Variants in MACROD2 observed in about 807,000 individuals in gnomAD.
MACROD2 encodes the protein ADP-ribose glycohydrolase MACROD2.
In MACROD2, 36 loss-of-function variants were observed where a neutral mutation model predicts 70.4. That is an observed-to-expected ratio of 0.51 (90% CI 0.39 to 0.68). MACROD2 has a LOEUF of 0.68. Among genes scored for constraint, MACROD2 ranks in the 30% least tolerant of loss-of-function variants. The pLI is 0.00. For synonymous variants in MACROD2, 172 were observed against 178.8 expected (o/e 0.96, Z 0.30); for missense variants, 496 against 538.4 (o/e 0.92, Z 0.78).
At position 14,658,096 on chromosome 20, in the gene MACROD2, T is replaced by C. The variant is rs115477050; in HGVS notation, c.302-26747T>C. On this transcript the variant is annotated intron_variant, in intron 4 of 17. Coordinates refer to ENST00000684519, the MANE Select transcript of MACROD2 (RefSeq NM_001351661.2). ...ATTATCTATTTTGCATCCTTTTTTT[T>C]CAATAAACAGTTTCACTTCTAAGAT... is the stretch of plus-strand genomic sequence containing the variant. 6.3e-3 allele frequency among the ~76,000 whole-genome samples: 965 copies of C among 152,322 alleles called. 11 individuals carry two copies. Among genetic ancestry groups the C allele is most frequent in the African/African-American group, 0.022 (926 of 41,576 alleles).
chr20:14,686,582 T>C (rs567526919), intron 5 of MACROD2, among the ~76,000 whole-genome samples: 1 of 152,350 alleles, frequency 6.6e-6, no homozygotes, highest in East Asian at 1.9e-4. Context: ...TACTTACCAT[T>C]GTGTTACAAT....
At chr20:15,419,910 A>G (rs1402535055) in intron 6 of MACROD2, among the ~76,000 whole-genome samples, 2 of 152,226 alleles carry the variant, frequency 1.3e-5, no homozygotes, top group Non-Finnish European at 2.9e-5. Flanking sequence ...CATATTGCCC[A>G]ACTGATTTGC....
At chr20:15,448,319 A>G (rs1046931710) in intron 7 of MACROD2, among the ~76,000 whole-genome samples, 2 of 152,182 alleles carry the variant, frequency 1.3e-5, no homozygotes, top group Admixed American at 6.5e-5. Context: ...CTTACTGCCC[A>G]TCTTCAGCTG....
intron 4 of MACROD2, among the ~76,000 whole-genome samples, chr20:14,624,332 T>G (rs1282690886): frequency 6.6e-6 from 1 of 152,190 alleles, no homozygotes; most frequent in Non-Finnish European, 1.5e-5. Context: ...ATTTCACACT[T>G]AGTAATACTG....
chr20:15,104,882 A>G (rs1334148381), intron 5 of MACROD2, among the ~76,000 whole-genome samples: 1 of 152,150 alleles, frequency 6.6e-6, no homozygotes, highest in East Asian at 1.9e-4. Context: ...TGATTTCTAC[A>G]TCTGAAAATG....
intron 3 of MACROD2, among the ~76,000 whole-genome samples, chr20:14,349,940 G>A (rs994921203): frequency 2.0e-5 from 3 of 151,282 alleles, no homozygotes; most frequent in East Asian, 1.9e-4. Flanking sequence ...GTAGAGACGG[G>A]GTTTCACCAT....
chr20:14,079,338 G>A (rs1014037049), intron 2 of MACROD2, among the ~76,000 whole-genome samples: 2 of 152,162 alleles, frequency 1.3e-5, no homozygotes, highest in Admixed American at 6.5e-5. Context: ...AGAAGCTGAC[G>A]GGTTCATAAA....
At chr20:14,674,610 C>G (rs1022307755) in intron 4 of MACROD2, among the ~76,000 whole-genome samples, 3 of 152,160 alleles carry the variant, frequency 2.0e-5, no homozygotes, top group African/African-American at 7.2e-5. Context: ...CATCCTCTTT[C>G]TACTTCGTAA....
chr20:15,541,588 G>A (rs963166574), intron 8 of MACROD2, among the ~76,000 whole-genome samples: 5 of 152,146 alleles, frequency 3.3e-5, no homozygotes, highest in Non-Finnish European at 2.9e-5. Context: ...GTTTGATATT[G>A]AGGTTTCACC....
At chr20:15,791,597 T>TAATTTATATAATTCTTTA (rs2063625507) in intron 8 of MACROD2, among the ~76,000 whole-genome samples, 1 of 151,914 alleles carries the variant, frequency 6.6e-6, no homozygotes, top group Non-Finnish European at 1.5e-5. Context: ...TAAACACACA[T>TAATTTATATAATTCTTTA]AAAGAATTAT....
chr20:15,497,445 C>G (rs2047312343), intron 7 of MACROD2, among the ~76,000 whole-genome samples: 1 of 152,156 alleles, frequency 6.6e-6, no homozygotes, highest in Non-Finnish European at 1.5e-5. Context: ...GTGCCCGCCA[C>G]CACGTTTGGC....
chr20:15,487,293 G>GGTGTTA (rs753965325), intron 7 of MACROD2, among the ~76,000 whole-genome samples: 7 of 152,290 alleles, frequency 4.6e-5, no homozygotes, highest in Non-Finnish European at 1.0e-4. Context: ...AGAGTCTAAT[G>GGTGTTA]GTGTTACTGC....
intron 5 of MACROD2, among the ~76,000 whole-genome samples, chr20:15,020,749 C>T (rs748676151): frequency 6.6e-6 from 1 of 151,822 alleles, no homozygotes; most frequent in Non-Finnish European, 1.5e-5. Context: ...ACAATGTTAA[C>T]GATTTGTGTA....
At position 14,321,364 on chromosome 20, in the gene MACROD2, C is replaced by CA. The variant is rs11475232; in HGVS notation, c.272-172104dup. 5.4e-5 allele frequency among the ~76,000 whole-genome samples: 8 copies of CA among 149,000 alleles called. No homozygotes were observed. The South Asian group carries it at 8.6e-4, about 16-fold the overall frequency. Reference sequence around the variant, plus strand: ...TGGATAACAGAGTGATACTCCATCTCAAAAAAAAAAAGCCAGTCAGTAAAA... The same window carrying CA: ...TGGATAACAGAGTGATACTCCATCTCAAAAAAAAAAAAGCCAGTCAGTAAAA... On this transcript the variant is annotated intron_variant, in intron 3 of 17. Transcript: ENST00000684519.
chr20:15,793,165 TG>T (rs2063641275), intron 8 of MACROD2, among the ~76,000 whole-genome samples: 1 of 137,200 alleles, frequency 7.3e-6, no homozygotes, highest in South Asian at 2.3e-4. Context: ...AAAATATATC[TG>T]GAAAGAGGTG....
chr20:14,872,565 A>G (rs73266792), intron 5 of MACROD2, among the ~76,000 whole-genome samples: 4,052 of 151,990 alleles, frequency 0.027, 199 homozygotes, highest in African/African-American at 0.092. Flanking sequence ...ATTTTATTAA[A>G]CCTCTTTGCT....
intron 8 of MACROD2, among the ~76,000 whole-genome samples, chr20:15,607,078 G>A (rs12151919): frequency 0.17 from 25,360 of 151,868 alleles, 2,305 homozygotes; most frequent in South Asian, 0.3. Flanking sequence ...CACTTTGGGA[G>A]GCCAAGGAGG....
chr20:15,794,611 C>G (rs971541860), intron 8 of MACROD2, among the ~76,000 whole-genome samples: 1 of 152,142 alleles, frequency 6.6e-6, no homozygotes, highest in Non-Finnish European at 1.5e-5. Flanking sequence ...TCTCAGCTTC[C>G]TCTGTGCATG....
intron 8 of MACROD2, among the ~76,000 whole-genome samples, chr20:15,675,972 G>A (rs898480416): frequency 5.9e-5 from 9 of 152,064 alleles, no homozygotes; most frequent in African/African-American, 1.9e-4. Flanking sequence ...GGTTAACAAG[G>A]TACCCATTAG....
Sources: allele counts gnomAD v4.1 joint callset (sites outside exome capture counted in the v4.1 genomes callset), GRCh38; gene constraint gnomAD v4.1.1; transcripts MANE v1.5; gene names NCBI Gene and HGNC (gene_info 2026-07-23, HGNC 2026-07-21).